Variants in FER1L5 observed in about 807,000 individuals in gnomAD.
The protein encoded by FER1L5 is fer-1 like family member 5, also known as fer-1-like protein 5.
Under a neutral mutation model 279.9 loss-of-function variants are expected in FER1L5, and 187 were observed. The ratio of observed to expected loss-of-function variants is 0.67; its 90% confidence interval spans 0.59 to 0.75. FER1L5 has a LOEUF of 0.75. FER1L5 is among the 30% of genes least tolerant of loss of function. The pLI, the probability that FER1L5 is intolerant of heterozygous loss-of-function variation, is 0.00. For missense variants in FER1L5, 2,091 were observed against 2,594.4 expected (o/e 0.81, Z 4.21); for synonymous variants, 921 against 989.7 (o/e 0.93, Z 1.30).
intron 1 of FER1L5, among the ~76,000 whole-genome samples, chr2:96,645,109 G>A (rs1011922982): frequency 6.6e-6 from 1 of 152,084 alleles, no homozygotes; most frequent in Non-Finnish European, 1.5e-5. Context: ...CTGCTTGGAG[G>A]GCCTTTTACC....
intron 1 of FER1L5, 63 bp downstream of exon 1, chr2:96,642,984 A>G: frequency 7.0e-7 from 1 of 1,424,496 alleles, no homozygotes; most frequent in South Asian, 1.3e-5. Flanking sequence ...GGATTCAGTG[A>G]AAAAAGAGGT....
chr2:96,653,828 C>T (rs1033838570), intron 8 of FER1L5, 126 bp downstream of exon 8: 9 of 668,704 alleles, frequency 1.3e-5, no homozygotes, highest in Non-Finnish European at 2.3e-5. Flanking sequence ...TGATCCCCAC[C>T]ACTTTCTTCA....
chr2:96,674,347 C>T (rs928472992), intron 19 of FER1L5, among the ~76,000 whole-genome samples: 11 of 152,106 alleles, frequency 7.2e-5, no homozygotes, highest in African/African-American at 2.2e-4. Context: ...CCCAGCCTCC[C>T]GAGTAGCTGG....
At chr2:96,684,136 T>G (rs2076833795) in intron 19 of FER1L5, among the ~76,000 whole-genome samples, 191 bp from the exon 20 acceptor site, 1 of 152,182 alleles carries the variant, frequency 6.6e-6, no homozygotes, top group African/African-American at 2.4e-5. Context: ...AGGGTCAAAG[T>G]GCACACATTC....
Position 96,703,014 on chromosome 2 carries a change from T to C in FER1L5, c.5434T>C (p.Phe1812Leu). The C allele has an allele frequency of 6.2e-7, 1 of 1,613,394 alleles. No homozygotes were observed. The highest frequency in any genetic ancestry group is 8.5e-7 in the Non-Finnish European group (1 of 1,179,678). ...IWSLDATSMKFPARLIIQVWD... is the reference protein window; with the variant it reads ...IWSLDATSMKLPARLIIQVWD... ...GAGCCTGGATGCCACGTCCATGAAG[T>C]TCCCAGCCCGACTTATCATCCAGGT... Residue 1812 changes from phenylalanine to leucine, a missense_variant, in exon 49 of 53, where the codon TTC (phenylalanine) becomes CTC (leucine). By Grantham distance (22) the Phe-to-Leu change is conservative. Transcript: ENST00000624922.
intron 14 of FER1L5, among the ~76,000 whole-genome samples, chr2:96,665,470 C>T (rs1028220832): frequency 6.6e-6 from 1 of 152,174 alleles, no homozygotes; most frequent in Non-Finnish European, 1.5e-5. Context: ...GTCCATCCCC[C>T]ATCCTTGCCA....
intron 52 of FER1L5, 25 bp downstream of exon 52, chr2:96,704,387 G>A: frequency 6.2e-7 from 1 of 1,613,196 alleles, no homozygotes; most frequent in Non-Finnish European, 8.5e-7. Context: ...TGGGGGCAAG[G>A]ACAAAGGTGG....
Position 96,646,408 on chromosome 2 carries a change from G to A in FER1L5, c.93G>A (p.Lys31=), listed in dbSNP as rs1444748171. The part of the protein sequence containing the change: ...PCMSIDFRDI[K]KRTRVVEGND... ...CTCTTGGTTTCTTTGCAGATATCAA[G>A]AAAAGAACTCGTGTGGTGGAAGGGA... Residue 31 remains lysine (K), a synonymous_variant, in exon 2 of 53, where the codon AAG becomes AAA. Transcript: ENST00000624922. The A allele has an allele frequency of 1.4e-5, 22 of 1,551,708 alleles. No homozygotes were observed. The highest frequency in any genetic ancestry group is 1.7e-5 in the Non-Finnish European group (19 of 1,146,930).
chr2:96,650,807 C>T (rs1250835550), intron 6 of FER1L5, among the ~76,000 whole-genome samples: 1 of 152,204 alleles, frequency 6.6e-6, no homozygotes, highest in South Asian at 2.1e-4. Context: ...GCCTGCTCCT[C>T]GCGCAGCAGC....
rs760653199 is a variant in FER1L5, at chr2:96,696,068, G to A, written c.4074G>A (p.Lys1358=). 3.1e-6 allele frequency: 5 copies of A among 1,613,766 alleles called. No homozygotes were observed. The highest frequency in any genetic ancestry group is 3.4e-6 in the Non-Finnish European group (4 of 1,179,904). Residue 1358 remains lysine (K), a synonymous_variant, in exon 37 of 53, where the codon AAG becomes AAA. Transcript: ENST00000624922. The part of the protein sequence containing the change: ...HPKLPTLSEK[K]HQDFLGYLYR... ...CCCGCACAGCGCTGTCTGAGAAGAA[G>A]CACCAAGACGTAAGTAAGGGCTGCA...
rs1362956188 is a variant in FER1L5, at chr2:96,694,084, G to C, written c.3636+12G>C. On this transcript the variant is annotated intron_variant, in intron 33 of 52. Coordinates refer to ENST00000624922, the MANE Select transcript of FER1L5 (RefSeq NM_001293083.2). The surrounding 1 kb of genome is among the most constrained non-coding windows in gnomAD (Gnocchi z 4.6). ...TCCTCCAGACTGAGGTATTGGGAGA[G>C]AGGGCCTGGCTGGGAAGTGTGGCAC... 1 of 1,536,946 alleles carries C rather than the reference G, an allele frequency of 6.5e-7. No individual in the cohort carries two copies. The highest frequency in any genetic ancestry group is 8.7e-7 in the Non-Finnish European group (1 of 1,145,710).
chr2:96,669,188 T>A, intron 17 of FER1L5, 51 bp downstream of exon 17: 1 of 1,509,076 alleles, frequency 6.6e-7, no homozygotes, highest in South Asian at 1.2e-5. Context: ...AGCTTCCCCA[T>A]GTAAAGCACT....
intron 19 of FER1L5, among the ~76,000 whole-genome samples, chr2:96,683,496 A>G (rs954433685): frequency 6.6e-6 from 1 of 150,718 alleles, no homozygotes; most frequent in Non-Finnish European, 1.5e-5. Context: ...TACATCTGCA[A>G]AGCCCCCACC....
chr2:96,691,555 G>A lies in FER1L5; in HGVS notation c.3018G>A (p.Arg1006=), dbSNP rs746967232. Residue 1006 remains arginine (R), a synonymous_variant, in exon 29 of 53, where the codon AGG becomes AGA. Transcript: ENST00000624922. This position sits in a 1 kb window ranked among gnomAD's most constrained non-coding sequence, Gnocchi z 6.0. The part of the protein sequence containing the change: ...SRFRRRCWRR[R]LAPNKDKGIA... ...TCCGCCGCCGCTGCTGGCGCCGCAG[G>A]CTGGCCCCCAACAAGGACAAGGGCA... 5.8e-6 allele frequency: 9 copies of A among 1,549,142 alleles called. No individual in the cohort carries two copies. In the African/African-American group the frequency reaches 1.2e-4, roughly 21 times the overall value.
chr2:96,659,328 T>G (rs1355356098), intron 9 of FER1L5, among the ~76,000 whole-genome samples: 3 of 72,860 alleles, frequency 4.1e-5, no homozygotes, highest in East Asian at 8.7e-4. Flanking sequence ...CTTCCTTCCT[T>G]CCTTCCTTCC....
At chr2:96,669,310 G>A (rs2076239749) in intron 17 of FER1L5, among the ~76,000 whole-genome samples, 173 bp downstream of exon 17, 1 of 152,176 alleles carries the variant, frequency 6.6e-6, no homozygotes, top group South Asian at 2.1e-4. Flanking sequence ...CAGGCGTGGG[G>A]GCACAAGAAA....
chr2:96,651,320 TTC>T (rs879880895), intron 6 of FER1L5, among the ~76,000 whole-genome samples: 18 of 151,038 alleles, frequency 1.2e-4, no homozygotes, highest in Admixed American at 5.9e-4. Flanking sequence ...CCTTCCTTCT[TTC>T]TCTCTTTCTT....
intron 19 of FER1L5, among the ~76,000 whole-genome samples, chr2:96,682,579 T>C (rs564565490): frequency 4.5e-4 from 69 of 152,370 alleles, no homozygotes; most frequent in African/African-American, 1.6e-3. Flanking sequence ...TCTTGGAACT[T>C]TGTGGGCATT....
chr2:96,702,448 T>C lies in FER1L5; in HGVS notation c.5255+47T>C. 1.3e-6 allele frequency: 2 copies of C among 1,577,496 alleles called. No homozygotes were observed. The highest frequency in any genetic ancestry group is 2.7e-5 in the African/African-American group (2 of 74,074). ...CCGGCAGAGCCCCTCAGTTCCCCAG[T>C]TCTGTCATCCTGCTGGCACGGCCCA... On this transcript the variant is annotated intron_variant, in intron 47 of 52. Transcript: ENST00000624922. The surrounding 1 kb of genome is among the most constrained non-coding windows in gnomAD (Gnocchi z 4.0).
Sources: allele counts gnomAD v4.1 joint callset (sites outside exome capture counted in the v4.1 genomes callset), GRCh38; gene constraint gnomAD v4.1.1; non-coding constraint Gnocchi (gnomAD v3.1); transcripts MANE v1.5; gene names NCBI Gene and HGNC (gene_info 2026-07-23, HGNC 2026-07-21).